Variants in GRK5 observed in about 807,000 individuals in gnomAD.
GRK5 encodes g protein-coupled receptor kinase GRK5.
In GRK5, 40 loss-of-function variants were observed where a neutral mutation model predicts 78.4. That is an observed-to-expected ratio of 0.51 (90% CI 0.40 to 0.66). The LOEUF is 0.66. GRK5 is among the 30% of genes least tolerant of loss of function. GRK5 has a pLI of 0.00. For missense variants in GRK5, 598 were observed against 759.9 expected, an observed-to-expected ratio of 0.79 and a Z score of 2.50; for synonymous variants, 289 against 296.8, an observed-to-expected ratio of 0.97 and a Z score of 0.27.
chr10:119,454,270 C>T (rs1017463900), intron 15 of GRK5, among the ~76,000 whole-genome samples: 3 of 152,208 alleles, frequency 2.0e-5, no homozygotes, highest in South Asian at 2.1e-4. Context: ...CTCACAGACC[C>T]GGGTTCAAAC....
At chr10:119,370,721 C>T (rs1851532556) in intron 2 of GRK5, among the ~76,000 whole-genome samples, 1 of 152,060 alleles carries the variant, frequency 6.6e-6, no homozygotes, top group South Asian at 2.1e-4. Context: ...AAGCTGTTTT[C>T]GAATCACTTC....
chr10:119,436,464 C>G (rs780256805), intron 8 of GRK5, among the ~76,000 whole-genome samples, 187 bp from the exon 9 acceptor site: 8 of 152,216 alleles, frequency 5.3e-5, no homozygotes, highest in Non-Finnish European at 8.8e-5. Flanking sequence ...AAGGGAGGAG[C>G]AGGTGTGAGC....
chr10:119,258,297 GA>G (rs1466086036), intron 1 of GRK5, among the ~76,000 whole-genome samples: 1 of 152,158 alleles, frequency 6.6e-6, no homozygotes, highest in Non-Finnish European at 1.5e-5. Flanking sequence ...CTTTATTTCT[GA>G]GCAAGAGTTC....
intron 1 of GRK5, among the ~76,000 whole-genome samples, chr10:119,312,981 C>CTGGTGGCTGTGGTGATGGTGATGA (rs1491589414): frequency 7.7e-5 from 2 of 26,058 alleles, no homozygotes; most frequent in African/African-American, 2.0e-4. Context: ...GATGGTGATG[C>CTGGTGGCTGTGGTGATGGTGATGA]TGATGGTGGT....
intron 2 of GRK5, among the ~76,000 whole-genome samples, chr10:119,346,925 C>T (rs1019565673): frequency 1.3e-5 from 2 of 152,206 alleles, no homozygotes; most frequent in East Asian, 3.9e-4. Flanking sequence ...AATCTTTCTC[C>T]TAGGAACTGA....
chr10:119,276,709 T>G (rs1177487200), intron 1 of GRK5, among the ~76,000 whole-genome samples: 1 of 152,176 alleles, frequency 6.6e-6, no homozygotes, highest in African/African-American at 2.4e-5. Context: ...AGAGAGTGTT[T>G]TTGGTTTTCT....
At position 119,457,974 on chromosome 10, in the gene GRK5, G is replaced by A. The variant is rs548629865; in HGVS notation, c.*2907G>A. 1 of 152,220 alleles carries A rather than the reference G, an allele frequency of 6.6e-6. No homozygotes were observed. Among genetic ancestry groups the A allele is most frequent in the East Asian group, 1.9e-4 (1 of 5,178 alleles). The allele number at this position is 152,220 out of a possible 1,614,324, so 9.4% of individuals were successfully genotyped here. On this transcript the variant is annotated 3_prime_UTR_variant, in exon 16 of 16. Transcript: ENST00000392870. ...CTCCCAAAGTGCTGAGGTTATAGGTGTGAGCCACTGTCCCTGGCCTATACG... is the reference window on the plus strand; with the variant it reads ...CTCCCAAAGTGCTGAGGTTATAGGTATGAGCCACTGTCCCTGGCCTATACG...
At position 119,458,593 on chromosome 10, in the gene GRK5, C is replaced by G. The variant is rs889364496; in HGVS notation, c.*3526C>G. ...CATACACATACCAGCAAGCAGCTGC[C>G]GAGACAAATGGTGGTGGGAAGTCCT... On this transcript the variant is annotated 3_prime_UTR_variant, in exon 16 of 16. Coordinates refer to ENST00000392870, the MANE Select transcript of GRK5 (RefSeq NM_005308.3). 1 of 151,924 alleles carries G rather than the reference C, an allele frequency of 6.6e-6. No individual in the cohort carries two copies. The allele number at this position is 151,924 out of a possible 1,614,324, so 9.4% of individuals were successfully genotyped here.
At chr10:119,246,591 C>T (rs969073899) in intron 1 of GRK5, among the ~76,000 whole-genome samples, 1 of 152,202 alleles carries the variant, frequency 6.6e-6, no homozygotes, top group Non-Finnish European at 1.5e-5. Context: ...AAGTAATGTC[C>T]TATCACCAGT....
At chr10:119,453,001 G>A in intron 14 of GRK5, 144 bp from the exon 15 acceptor site, 1 of 860,336 alleles carries the variant, frequency 1.2e-6, no homozygotes, top group Admixed American at 1.9e-5. Flanking sequence ...TCATTGACGG[G>A]GAGCCTCGCC....
At chr10:119,233,713 C>T (rs1848868964) in intron 1 of GRK5, among the ~76,000 whole-genome samples, 1 of 152,098 alleles carries the variant, frequency 6.6e-6, no homozygotes, top group African/African-American at 2.4e-5. Context: ...AGACAGCAGG[C>T]CAGAGACATG....
intron 12 of GRK5, among the ~76,000 whole-genome samples, chr10:119,447,375 T>C (rs994150641): frequency 7.9e-5 from 12 of 152,098 alleles, no homozygotes; most frequent in African/African-American, 2.4e-4. Context: ...CCCCCTCCCC[T>C]TGACCCATCT....
At chr10:119,240,632 T>C (rs541050057) in intron 1 of GRK5, among the ~76,000 whole-genome samples, 18 of 152,210 alleles carry the variant, frequency 1.2e-4, no homozygotes, top group Non-Finnish European at 1.9e-4. Flanking sequence ...ATAAATGTCT[T>C]CTTTTGAGAA....
chr10:119,409,143 G>A (rs1009835579), intron 4 of GRK5, among the ~76,000 whole-genome samples: 2 of 152,174 alleles, frequency 1.3e-5, no homozygotes, highest in Non-Finnish European at 2.9e-5. Flanking sequence ...CCTGGGCCTC[G>A]GCTTCCACTC....
At chr10:119,420,889 T>C (rs1266314361) in intron 4 of GRK5, among the ~76,000 whole-genome samples, 2 of 152,156 alleles carry the variant, frequency 1.3e-5, no homozygotes, top group Non-Finnish European at 2.9e-5. Flanking sequence ...CCTGGCTTCA[T>C]CTTCATCTTT....
chr10:119,277,220 G>T (rs1165463525), intron 1 of GRK5, among the ~76,000 whole-genome samples: 1 of 152,026 alleles, frequency 6.6e-6, no homozygotes, highest in Admixed American at 6.6e-5. Flanking sequence ...TGATCATTTC[G>T]GCCAGACCCC....
intron 1 of GRK5, among the ~76,000 whole-genome samples, chr10:119,249,396 G>T (rs577886577): frequency 4.6e-5 from 7 of 152,288 alleles, no homozygotes; most frequent in African/African-American, 1.7e-4. Flanking sequence ...GCTTATCTAA[G>T]TTACTTAGTA....
rs1850338576 is a variant in GRK5 at position 119,310,412 on chromosome 10, A to C, written c.53-16104A>C. ...AAAACATTATGAGGCAAAAGTGACC[A>C]AATTTGGGCCTTGCTGAGAGAAGGG... On this transcript the variant is annotated intron_variant, in intron 1 of 15. Coordinates refer to ENST00000392870, the MANE Select transcript of GRK5 (RefSeq NM_005308.3). Among the ~76,000 whole-genome samples, 7 of 152,304 alleles carry C rather than the reference A, an allele frequency of 4.6e-5. No homozygotes were observed. The South Asian group carries it at 1.5e-3, about 32-fold the overall frequency.
chr10:119,327,509 G>A (rs1219025166), intron 2 of GRK5, among the ~76,000 whole-genome samples: 10 of 152,238 alleles, frequency 6.6e-5, no homozygotes, highest in Non-Finnish European at 1.3e-4. Context: ...TGGGCACGGG[G>A]TGGTGCTGCC....
Sources: allele counts gnomAD v4.1 joint callset (sites outside exome capture counted in the v4.1 genomes callset), GRCh38; gene constraint gnomAD v4.1.1; transcripts MANE v1.5; gene names NCBI Gene and HGNC (gene_info 2026-07-23, HGNC 2026-07-21).